Variants in FNTB observed in about 807,000 individuals in gnomAD.
FNTB encodes protein farnesyltransferase subunit beta.
FNTB carries 27 observed loss-of-function variants against 59.4 expected under a neutral mutation model. The ratio of observed to expected loss-of-function variants is 0.45; its 90% confidence interval spans 0.34 to 0.63. The LOEUF (loss-of-function observed/expected upper bound fraction) is 0.63. FNTB is among the 20% of genes least tolerant of loss of function. The pLI is 0.02. For synonymous variants in FNTB, 230 were observed against 220.7 expected (o/e 1.04, Z -0.37); for missense variants, 449 against 559.6 (o/e 0.80, Z 1.99).
At position 65,023,319 on chromosome 14, in the gene FNTB, G is replaced by A. The variant is rs539906883; in HGVS notation, c.375-4134G>A. Among the ~76,000 whole-genome samples the A allele has an allele frequency of 6.6e-6, 1 of 152,282 alleles. No homozygotes were observed. Among genetic ancestry groups the A allele is most frequent in the South Asian group, 2.1e-4 (1 of 4,830 alleles). ...AGTGATCCCCCTCACCTCAGCCAAA[G>A]TGCTGGGATTACAGGCATGAGCCAC... On this transcript the variant is annotated intron_variant, in intron 4 of 11. Coordinates refer to ENST00000246166, the MANE Select transcript of FNTB (RefSeq NM_002028.4). This position sits in a 1 kb window ranked among gnomAD's most constrained non-coding sequence, Gnocchi z 4.1.
chr14:65,000,406 T>A (rs1888550032), intron 1 of FNTB, among the ~76,000 whole-genome samples: 1 of 152,180 alleles, frequency 6.6e-6, no homozygotes, highest in South Asian at 2.1e-4. Flanking sequence ...GCAAAGTTAA[T>A]GTAAGTAGAG....
chr14:65,037,744 ATTT>A (rs1566562811), intron 7 of FNTB, among the ~76,000 whole-genome samples: 4 of 59,008 alleles, frequency 6.8e-5, no homozygotes, highest in South Asian at 4.8e-4. Flanking sequence ...TTTATTTATT[ATTT>A]ATTTATTTAT....
chr14:65,040,721 A>AG, intron 7 of FNTB, 69 bp from the exon 8 acceptor site: 1 of 1,519,858 alleles, frequency 6.6e-7, no homozygotes, highest in South Asian at 1.3e-5. Flanking sequence ...TCTGCCACCT[A>AG]GGATGGTCCT....
At chr14:65,021,690 G>A (rs952244880) in intron 4 of FNTB, among the ~76,000 whole-genome samples, 1 of 152,126 alleles carries the variant, frequency 6.6e-6, no homozygotes, top group African/African-American at 2.4e-5. Flanking sequence ...GTGTCCCCCA[G>A]GCTGGAGGGC....
At chr14:65,015,419 T>C in intron 3 of FNTB, 7 of 294,004 alleles carry the variant, frequency 2.4e-5, no homozygotes, top group Middle Eastern at 1.0e-3. Context: ...TCTTTTTTTT[T>C]TTTTTTTTTT....
rs145343493 is a variant in FNTB, at chr14:65,035,713, T to A, written c.692+3017T>A. On this transcript the variant is annotated intron_variant, in intron 7 of 11. Coordinates refer to ENST00000246166, the MANE Select transcript of FNTB (RefSeq NM_002028.4). Reference sequence around the variant, plus strand: ...ACCAGCTAATGTTTAAAAAAAAAATTTGTAGAGATGGGATCTGTCTGTGTT... The same window carrying A: ...ACCAGCTAATGTTTAAAAAAAAAATATGTAGAGATGGGATCTGTCTGTGTT... Among the ~76,000 whole-genome samples, 512 of 151,812 alleles carry A rather than the reference T, an allele frequency of 3.4e-3. 1 individual carries two copies. Among genetic ancestry groups the A allele is most frequent in the African/African-American group, 0.012 (486 of 41,350 alleles).
intron 11 of FNTB, among the ~76,000 whole-genome samples, chr14:65,057,350 G>T (rs1311341777): frequency 6.6e-6 from 1 of 152,126 alleles, no homozygotes; most frequent in Non-Finnish European, 1.5e-5. Flanking sequence ...AATCGCTTGA[G>T]CCCAGGTAGT....
intron 2 of FNTB, among the ~76,000 whole-genome samples, chr14:65,004,574 GA>G (rs1343225346): frequency 6.6e-6 from 1 of 152,214 alleles, no homozygotes; most frequent in Non-Finnish European, 1.5e-5. Flanking sequence ...GAGGTCTGAA[GA>G]TGGAGAGAGG....
In FNTB at chr14:65,051,559, C is replaced by T. The variant is rs377053397; in HGVS notation, c.956-1679C>T. 1.2e-3 allele frequency among the ~76,000 whole-genome samples: 181 copies of T among 151,408 alleles called. 1 individual carries two copies. Among genetic ancestry groups the T allele is most frequent in the Non-Finnish European group, 2.4e-3 (160 of 67,882 alleles). ...CCGGGAGGCGGAGGTTGCAGTGAGC[C>T]GAGATCGTGCCATTGCCCTCCAACC... is the stretch of plus-strand genomic sequence containing the variant. On this transcript the variant is annotated intron_variant, in intron 9 of 11. Coordinates refer to ENST00000246166, the MANE Select transcript of FNTB (RefSeq NM_002028.4).
chr14:65,026,845 G>A (rs1466590005), intron 4 of FNTB, among the ~76,000 whole-genome samples: 1 of 151,536 alleles, frequency 6.6e-6, no homozygotes, highest in African/African-American at 2.4e-5. Flanking sequence ...CTGGGCGACC[G>A]AGGGCAACCC....
At position 64,990,663 on chromosome 14, in the gene FNTB, C is replaced by T. The variant is rs1888164168; in HGVS notation, c.144+3566C>T. Among the ~76,000 whole-genome samples, 1 of 152,212 alleles carries T rather than the reference C, an allele frequency of 6.6e-6. No homozygotes were observed. The highest frequency in any genetic ancestry group is 2.1e-4 in the South Asian group (1 of 4,812). The stretch of plus-strand genomic sequence containing the variant: ...CCACTTTGTGCCATCTGTTTCCTGC[C>T]AGGACTTAGACTGATCCATGATCAG... On this transcript the variant is annotated intron_variant, in intron 1 of 11. Transcript: ENST00000246166. The surrounding 1 kb of genome is among the most constrained non-coding windows in gnomAD (Gnocchi z 5.2).
In FNTB at chr14:65,060,523, C is replaced by T. The variant is rs796441355; in HGVS notation, c.1183-658C>T. The stretch of plus-strand genomic sequence containing the variant: ...CATCCCGGCTAAAACGGTGAAACCC[C>T]GTCTCTACTAAAAATACAAAAAATT... On this transcript the variant is annotated intron_variant, in intron 11 of 11. Transcript: ENST00000246166. 7.1e-5 allele frequency among the ~76,000 whole-genome samples: 9 copies of T among 127,064 alleles called. 1 individual carries two copies. The highest frequency in any genetic ancestry group is 4.5e-4 in the East Asian group (2 of 4,452). The allele number at this position is 127,064 out of a possible 152,430, so 83.4% of individuals were successfully genotyped here.
intron 1 of FNTB, among the ~76,000 whole-genome samples, chr14:64,996,123 CAA>C (rs60137057): frequency 3.9e-4 from 32 of 82,514 alleles, no homozygotes; most frequent in Middle Eastern, 9.3e-3. Context: ...AACTCTGTCT[CAA>C]AAAAAAAAAA....
intron 2 of FNTB, among the ~76,000 whole-genome samples, chr14:65,005,513 C>CTTTCTTTCTTTCTTTCTT (rs1230873980): frequency 8.7e-6 from 1 of 114,760 alleles, no homozygotes; most frequent in African/African-American, 3.9e-5. Context: ...TTCTTTCTTT[C>CTTTCTTTCTTTCTTTCTT]TCTCTCTCTT....
chr14:64,993,460 T>C (rs2140037776), intron 1 of FNTB, among the ~76,000 whole-genome samples: 1 of 152,328 alleles, frequency 6.6e-6, no homozygotes, highest in Non-Finnish European at 1.5e-5. Flanking sequence ...GCTGGTACTT[T>C]GTATTCAAAA....
intron 7 of FNTB, among the ~76,000 whole-genome samples, chr14:65,036,393 C>T (rs1325571886): frequency 6.6e-6 from 1 of 151,578 alleles, no homozygotes; most frequent in Admixed American, 6.6e-5. Flanking sequence ...TATGCCACCA[C>T]ACCTGGCTAA....
rs2062067814 is a variant in FNTB at position 65,030,892 on chromosome 14, C to T, written c.606-1718C>T. Among the ~76,000 whole-genome samples the T allele has an allele frequency of 6.6e-6, 1 of 152,208 alleles. No individual in the cohort carries two copies. The highest frequency in any genetic ancestry group is 1.5e-5 in the Non-Finnish European group (1 of 68,034). On this transcript the variant is annotated intron_variant, in intron 6 of 11. Coordinates refer to ENST00000246166, the MANE Select transcript of FNTB (RefSeq NM_002028.4). This position sits in a 1 kb window ranked among gnomAD's most constrained non-coding sequence, Gnocchi z 4.5. Reference sequence around the variant, plus strand: ...GTGGGATCTTGGCTCACTGCAACCTCTGTCTCTGGGGTTCAAACGATTCTC... The same window carrying T: ...GTGGGATCTTGGCTCACTGCAACCTTTGTCTCTGGGGTTCAAACGATTCTC...
At chr14:65,043,870 T>C (rs1200883475) in intron 8 of FNTB, among the ~76,000 whole-genome samples, 1 of 138,898 alleles carries the variant, frequency 7.2e-6, no homozygotes, top group Non-Finnish European at 1.5e-5. Flanking sequence ...AGAAATGTAG[T>C]ACCAAATTCC....
rs1488902669 is a variant in FNTB at position 65,025,991 on chromosome 14, A to G, written c.375-1462A>G. 2.6e-5 allele frequency among the ~76,000 whole-genome samples: 4 copies of G among 152,358 alleles called. No individual in the cohort carries two copies. The East Asian group carries it at 7.7e-4, about 29-fold the overall frequency. On this transcript the variant is annotated intron_variant, in intron 4 of 11. Transcript: ENST00000246166. Reference sequence around the variant, plus strand: ...GTTTGCTTTTGCTTTCTCTGCCCGGATAATGGGAACTCTGAAATCGAAAGC... The same window carrying G: ...GTTTGCTTTTGCTTTCTCTGCCCGGGTAATGGGAACTCTGAAATCGAAAGC...
Sources: allele counts gnomAD v4.1 joint callset (sites outside exome capture counted in the v4.1 genomes callset), GRCh38; gene constraint gnomAD v4.1.1; non-coding constraint Gnocchi (gnomAD v3.1); transcripts MANE v1.5; gene names NCBI Gene and HGNC (gene_info 2026-07-23, HGNC 2026-07-21).